DZANK1: variants seen among roughly 807,000 people sequenced by gnomAD.
DZANK1 encodes the protein double zinc ribbon and ankyrin repeat domains 1, also known as double zinc ribbon and ankyrin repeat-containing protein 1.
In DZANK1, 91 loss-of-function variants were observed where a neutral mutation model predicts 94.5. That is an observed-to-expected ratio of 0.96 (90% confidence interval 0.81 to 1.15). The LOEUF (loss-of-function observed/expected upper bound fraction) is 1.15. DZANK1 is among the 50% of genes most tolerant of loss of function. The pLI, the probability that DZANK1 is intolerant of heterozygous loss-of-function variation, is 0.00. For missense variants in DZANK1, 903 were observed against 916.4 expected (o/e 0.99, Z 0.19); for synonymous variants, 312 against 325.3 (o/e 0.96, Z 0.44).
At chr20:18,434,849 C>G (rs1176204463) in intron 8 of DZANK1, among the ~76,000 whole-genome samples, 1 of 152,084 alleles carries the variant, frequency 6.6e-6, no homozygotes, top group Non-Finnish European at 1.5e-5. Context: ...ATTTTGGTGG[C>G]AAGCAAACAA....
chr20:18,418,607 C>T (rs1009772722), intron 10 of DZANK1, among the ~76,000 whole-genome samples: 1 of 152,104 alleles, frequency 6.6e-6, no homozygotes, highest in Non-Finnish European at 1.5e-5. Flanking sequence ...TGTTTGTTTG[C>T]TTTGTTTTAG....
At chr20:18,427,275 G>C (rs2058086452) in intron 9 of DZANK1, 116 bp from the exon 10 acceptor site, 1 of 636,738 alleles carries the variant, frequency 1.6e-6, no homozygotes. Context: ...CTGCACCCAG[G>C]CCCTGAATAC....
intron 4 of DZANK1, among the ~76,000 whole-genome samples, 159 bp downstream of exon 4, chr20:18,455,088 G>T (rs1045428844): frequency 2.6e-5 from 4 of 152,210 alleles, no homozygotes; most frequent in Admixed American, 2.0e-4. Context: ...AAAAGGCTGA[G>T]AAATCAGTAA....
intron 19 of DZANK1, among the ~76,000 whole-genome samples, chr20:18,389,016 C>T (rs1337949069): frequency 1.3e-5 from 2 of 152,162 alleles, no homozygotes; most frequent in Non-Finnish European, 2.9e-5. Context: ...ATTTCAACAA[C>T]GTAGTCGGCA....
intron 13 of DZANK1, among the ~76,000 whole-genome samples, chr20:18,400,104 C>A (rs1266145752): frequency 6.6e-6 from 1 of 152,092 alleles, no homozygotes; most frequent in Non-Finnish European, 1.5e-5. Flanking sequence ...GAACTAATAC[C>A]CCCTACCTCA....
At position 18,455,174 on chromosome 20, in the gene DZANK1, A is replaced by C; in HGVS notation, c.378+73T>G. 6.2e-6 allele frequency: 7 copies of C among 1,135,384 alleles called. 2 individuals are homozygous for C. In the South Asian group the frequency reaches 9.6e-5, roughly 16 times the overall value. 70.3% of individuals were successfully genotyped at this position (1,135,384 alleles called of 1,614,324 possible). A position where few individuals can be genotyped will look rare whatever the true frequency, so the allele number is the denominator to read the frequency against. ...GAGCAGAGGTAAGGTAATAAAAGGC[A>C]AGATCTGCTCACTGAGAAAGAAGGA... On this transcript the variant is annotated intron_variant, in intron 4 of 20. Transcript: ENST00000262547.
intron 2 of DZANK1, among the ~76,000 whole-genome samples, chr20:18,460,892 C>CAA (rs1158350569): frequency 6.6e-6 from 1 of 152,200 alleles, no homozygotes; most frequent in Non-Finnish European, 1.5e-5. Flanking sequence ...TTCATCTGTA[C>CAA]AACCCTATGA....
intron 3 of DZANK1, 92 bp downstream of exon 3, chr20:18,460,061 G>T: frequency 1.1e-6 from 1 of 951,022 alleles, no homozygotes; most frequent in Non-Finnish European, 1.5e-6. Context: ...TCCTTCTAAT[G>T]CAGCACTGAT....
intron 20 of DZANK1, 121 bp from the exon 21 acceptor site, chr20:18,384,685 C>T (rs1438914162): frequency 1.8e-6 from 2 of 1,103,860 alleles, no homozygotes; most frequent in African/African-American, 3.2e-5. Flanking sequence ...CTCCCCAAAC[C>T]TCTCCCCAAG....
intron 3 of DZANK1, among the ~76,000 whole-genome samples, chr20:18,459,094 A>G (rs2059388104): frequency 6.6e-6 from 1 of 152,182 alleles, no homozygotes; most frequent in Non-Finnish European, 1.5e-5. Context: ...TTGCCTCTTC[A>G]TTTTACTACT....
intron 4 of DZANK1, 62 bp downstream of exon 4, chr20:18,455,185 A>T: frequency 1.6e-6 from 2 of 1,259,804 alleles, no homozygotes; most frequent in Non-Finnish European, 2.3e-6. Context: ...AGATCTGCTC[A>T]CTGAGAAAGA....
At chr20:18,406,230 A>G (rs1224019346) in intron 13 of DZANK1, among the ~76,000 whole-genome samples, 1 of 152,194 alleles carries the variant, frequency 6.6e-6, no homozygotes, top group African/African-American at 2.4e-5. Context: ...TGGTTTAAGG[A>G]GGACTTGTAA....
At chr20:18,389,023 G>A (rs1038332635) in intron 19 of DZANK1, among the ~76,000 whole-genome samples, 7 of 152,132 alleles carry the variant, frequency 4.6e-5, no homozygotes, top group Non-Finnish European at 4.4e-5. Context: ...CAACGTAGTC[G>A]GCAAGATATG....
chr20:18,426,554 G>A (rs573992325), intron 10 of DZANK1, among the ~76,000 whole-genome samples: 6 of 152,248 alleles, frequency 3.9e-5, no homozygotes, highest in Non-Finnish European at 7.4e-5. Context: ...CATCAGAAAC[G>A]TTTTATAAAC....
rs2058699787 is a variant in DZANK1, at chr20:18,441,006, G to A, written c.747+2341C>T. The stretch of plus-strand genomic sequence containing the variant: ...TACAAGAAGTATATTATTTTGGGCT[G>A]TCATAGGAGCCCTCTGGTTCCTGCA... On this transcript the variant is annotated intron_variant, in intron 8 of 20. Transcript: ENST00000262547. This position sits in a 1 kb window ranked among gnomAD's most constrained non-coding sequence, Gnocchi z 4.1. Among the ~76,000 whole-genome samples the A allele has an allele frequency of 6.6e-6, 1 of 152,164 alleles. No individual in the cohort carries two copies. The highest frequency in any genetic ancestry group is 1.5e-5 in the Non-Finnish European group (1 of 68,028).
rs1294901954 is a variant in DZANK1, at chr20:18,460,297, T to A, written c.119A>T (p.Asp40Val). ...ATCCAGAGTATAATATATGTTGACA[T>A]CTGGAGTGTCTGAAAAATCCAAAAC... Residue 40 changes from aspartate (D) to valine (V), a missense_variant, in exon 3 of 21, where the codon GAT (aspartate) becomes GTT (valine). Asp to Val is a radical substitution (Grantham distance 152). Transcript: ENST00000262547. 2.6e-6 allele frequency: 4 copies of A among 1,526,398 alleles called. No homozygotes were observed. The Admixed American group carries it at 7.7e-5, about 30-fold the overall frequency. The allele number at this position is 1,526,398 out of a possible 1,614,324, so 94.6% of individuals were successfully genotyped here.
chr20:18,414,851 G>A (rs992137369), intron 11 of DZANK1, among the ~76,000 whole-genome samples: 6 of 152,296 alleles, frequency 3.9e-5, no homozygotes, highest in South Asian at 2.1e-4. Flanking sequence ...GAAAATAATT[G>A]GGTCAGTGTT....
intron 9 of DZANK1, 60 bp downstream of exon 9, chr20:18,433,592 T>C: frequency 4.7e-6 from 7 of 1,492,498 alleles, no homozygotes; most frequent in Non-Finnish European, 6.5e-6. Context: ...AAAGGACATA[T>C]ACCTGTTCAA....
chr20:18,390,267 C>G (rs1203469825), intron 18 of DZANK1, 112 bp downstream of exon 18: 1 of 982,820 alleles, frequency 1.0e-6, no homozygotes, highest in East Asian at 2.4e-5. Flanking sequence ...GGTTTTTAAT[C>G]AAAGGGCAGT....
Sources: allele counts gnomAD v4.1 joint callset (sites outside exome capture counted in the v4.1 genomes callset), GRCh38; gene constraint gnomAD v4.1.1; non-coding constraint Gnocchi (gnomAD v3.1); transcripts MANE v1.5; gene names NCBI Gene and HGNC (gene_info 2026-07-23, HGNC 2026-07-21).